Variants in TAOK1 observed in about 807,000 individuals in gnomAD.
TAOK1 encodes TAO kinase 1.
Under a neutral mutation model 138.3 loss-of-function variants are expected in TAOK1, and 21 were observed. The ratio of observed to expected loss-of-function variants is 0.15; its 90% CI spans 0.11 to 0.22. The LOEUF is 0.22. Among genes scored for constraint, TAOK1 ranks in the 10% least tolerant of loss-of-function variants. TAOK1 has a pLI of 1.00. For synonymous variants in TAOK1, 361 were observed against 398.4 expected (o/e 0.91, Z 1.12); for missense variants, 651 against 1,227.7 (o/e 0.53, Z 7.02).
intron 15 of TAOK1, chr17:29,514,201 C>G (rs1198638529): frequency 6.6e-6 from 1 of 152,148 alleles, no homozygotes. Context: ...CGTGCATACA[C>G]ATAAACTCTT....
At chr17:29,478,621 A>G (rs1598498570) in intron 6 of TAOK1, among the ~76,000 whole-genome samples, 1 of 152,186 alleles carries the variant, frequency 6.6e-6, no homozygotes, top group East Asian at 1.9e-4. Flanking sequence ...GAATCATTTA[A>G]TTTGCAAACT....
rs1021501061 is a variant in TAOK1, at chr17:29,456,276, C to A, written c.132+4596C>A. Among the ~76,000 whole-genome samples the A allele has an allele frequency of 8.7e-5, 13 of 149,762 alleles. 2 individuals carry two copies. The highest frequency in any genetic ancestry group is 3.3e-4 in the African/African-American group (13 of 39,288). ...GGCATGAGAATCGCTTGAACCCGTCCATGAGGTGGAGGTTGCAGTGAGCCA... is the reference window on the plus strand; with the variant it reads ...GGCATGAGAATCGCTTGAACCCGTCAATGAGGTGGAGGTTGCAGTGAGCCA... On this transcript the variant is annotated intron_variant, in intron 2 of 19. Transcript: ENST00000261716.
At position 29,517,449 on chromosome 17, in the gene TAOK1, C is replaced by T. The variant is rs1217932667; in HGVS notation, c.1705-4C>T. On this transcript the variant is annotated splice_polypyrimidine_tract_variant and splice_region_variant and intron_variant, in intron 15 of 19. Coordinates refer to ENST00000261716, the MANE Select transcript of TAOK1 (RefSeq NM_020791.4). ...TTTACCTGAGTTGTTTTTTATGTTG[C>T]CAGGAGCTAAATGAAAACCAGAGTA... 1 of 1,612,266 alleles carries T rather than the reference C, an allele frequency of 6.2e-7. No individual in the cohort carries two copies. Among genetic ancestry groups the T allele is most frequent in the Non-Finnish European group, 8.5e-7 (1 of 1,179,720 alleles).
chr17:29,396,661 CTT>C (rs1273825527), intron 1 of TAOK1, among the ~76,000 whole-genome samples: 1 of 152,162 alleles, frequency 6.6e-6, no homozygotes, highest in Non-Finnish European at 1.5e-5. Flanking sequence ...TGGAACAAAA[CTT>C]TCTGGTTTGC....
At chr17:29,451,809 AGAGAGCGC>A in intron 2 of TAOK1, 129 bp downstream of exon 2, 5 of 1,054,102 alleles carry the variant, frequency 4.7e-6, no homozygotes, top group Non-Finnish European at 6.6e-6. Context: ...GGGGGAAGAG[AGAGAGCGC>A]GAGAGCGAGA....
chr17:29,493,462 C>T (rs1424543768), intron 10 of TAOK1, among the ~76,000 whole-genome samples: 1 of 151,560 alleles, frequency 6.6e-6, no homozygotes, highest in African/African-American at 2.4e-5. Flanking sequence ...CCATTGCACT[C>T]CAGCCTGGGC....
chr17:29,420,927 G>A (rs1905422106), intron 1 of TAOK1, among the ~76,000 whole-genome samples: 1 of 150,614 alleles, frequency 6.6e-6, no homozygotes, highest in Non-Finnish European at 1.5e-5. Context: ...TTAGCTATAG[G>A]GATTTTTTGT....
At chr17:29,539,498 A>C (rs1482029822) in intron 19 of TAOK1, among the ~76,000 whole-genome samples, 1 of 152,048 alleles carries the variant, frequency 6.6e-6, no homozygotes, top group Non-Finnish European at 1.5e-5. Flanking sequence ...GTGCAATGGC[A>C]CTATCTCGGC....
chr17:29,411,532 C>T (rs769613229), intron 1 of TAOK1, among the ~76,000 whole-genome samples: 1 of 152,068 alleles, frequency 6.6e-6, no homozygotes, highest in Non-Finnish European at 1.5e-5. Context: ...GCTGGAACTA[C>T]AGGCACACAC....
intron 1 of TAOK1, among the ~76,000 whole-genome samples, chr17:29,432,738 G>A (rs2153022769): frequency 6.6e-6 from 1 of 152,124 alleles, no homozygotes; most frequent in East Asian, 1.9e-4. Flanking sequence ...GCCTCCCAAA[G>A]TGCTGGGATT....
chr17:29,463,875 G>A (rs12602840), intron 2 of TAOK1, among the ~76,000 whole-genome samples: 24,770 of 152,066 alleles, frequency 0.16, 3,055 homozygotes, highest in East Asian at 0.65. Flanking sequence ...ATAATAAAAA[G>A]ACACTCAATT....
intron 1 of TAOK1, among the ~76,000 whole-genome samples, chr17:29,434,644 T>C (rs1905968972): frequency 6.6e-6 from 1 of 152,166 alleles, no homozygotes; most frequent in African/African-American, 2.4e-5. Flanking sequence ...GTTTCCCACC[T>C]ACAGTCAGTA....
In TAOK1 at chr17:29,451,628, T is replaced by C. The variant is rs1211412228; in HGVS notation, c.80T>C (p.Leu27Pro). 1 of 1,614,000 alleles carries C rather than the reference T, an allele frequency of 6.2e-7. No individual in the cohort carries two copies. The highest frequency in any genetic ancestry group is 8.5e-7 in the Non-Finnish European group (1 of 1,179,974). Residue 27 changes from leucine (L) to proline (P), a missense_variant, in exon 2 of 20, where the codon CTC (leucine) becomes CCC (proline). Around this residue, in one of 8 missense-constraint regions of TAOK1, gnomAD observed 116 missense variants for 213.9 expected, o/e 0.54. Coordinates refer to ENST00000261716, the MANE Select transcript of TAOK1 (RefSeq NM_020791.4). ...ELFFKEDPEK[L>P]FTDLREIGHG... ...TTCTTCAAAGAAGATCCAGAGAAGC[T>C]CTTCACAGATCTCAGAGAAATTGGC...
At chr17:29,514,071 T>C (rs982948969) in intron 15 of TAOK1, 2 of 152,180 alleles carry the variant, frequency 1.3e-5, no homozygotes, top group African/African-American at 4.8e-5. Flanking sequence ...GAGGTTGCAG[T>C]GAGCTGGGCC....
At chr17:29,519,645 TAATA>T (rs1390934155) in intron 16 of TAOK1, among the ~76,000 whole-genome samples, 1 of 152,228 alleles carries the variant, frequency 6.6e-6, no homozygotes, top group Non-Finnish European at 1.5e-5. Flanking sequence ...GCGAGTTTAC[TAATA>T]AATTCAAATT....
chr17:29,520,886 T>C (rs2031903103), intron 16 of TAOK1, among the ~76,000 whole-genome samples: 1 of 151,796 alleles, frequency 6.6e-6, no homozygotes, highest in African/African-American at 2.4e-5. Flanking sequence ...TAGCCAGGCG[T>C]GGTGGCACAT....
intron 19 of TAOK1, among the ~76,000 whole-genome samples, chr17:29,540,083 A>G (rs1222667144): frequency 6.6e-6 from 1 of 152,018 alleles, no homozygotes; most frequent in Non-Finnish European, 1.5e-5. Context: ...AAAGGCATGG[A>G]GAAATGATAA....
At chr17:29,533,934 C>T in intron 18 of TAOK1, among the ~76,000 whole-genome samples, 184 bp from the exon 19 acceptor site, 1 of 151,956 alleles carries the variant, frequency 6.6e-6, no homozygotes, top group East Asian at 1.9e-4. Context: ...TATCTTCATA[C>T]CGATATTGGT....
intron 8 of TAOK1, among the ~76,000 whole-genome samples, chr17:29,487,240 T>G (rs2031190016): frequency 1.0e-5 from 1 of 97,790 alleles, no homozygotes. Context: ...AGCGAGACTG[T>G]GTCTCCAAAA....
Sources: allele counts gnomAD v4.1 joint callset (sites outside exome capture counted in the v4.1 genomes callset), GRCh38; gene constraint gnomAD v4.1.1; regional missense constraint gnomAD v4.1.1; transcripts MANE v1.5; gene names NCBI Gene and HGNC (gene_info 2026-07-23, HGNC 2026-07-21).